The following ARB2A variants were observed in gnomAD, a reference collection of about 807,000 sequenced individuals.
ARB2A encodes the protein cotranscriptional regulator ARB2A.
At chr5:93,925,514 G>T in the ARB2A span, among the ~76,000 whole-genome samples, 1 of 152,184 alleles carries the variant, frequency 6.6e-6, no homozygotes, top group South Asian at 2.1e-4. Context: ...AGGGTCCTGG[G>T]TATGTGGGAC....
the ARB2A span, among the ~76,000 whole-genome samples, chr5:93,746,712 T>C: frequency 6.6e-5 from 10 of 152,156 alleles, no homozygotes; most frequent in Non-Finnish European, 1.5e-4. Flanking sequence ...GAGATATTCA[T>C]GAGCTATGAA....
chr5:94,073,453 C>A, the ARB2A span, among the ~76,000 whole-genome samples: 77 of 152,082 alleles, frequency 5.1e-4, no homozygotes, highest in Non-Finnish European at 8.7e-4. Flanking sequence ...AGAAGGAAAA[C>A]CTTGAATTTG....
the ARB2A span, among the ~76,000 whole-genome samples, chr5:93,846,305 A>C: frequency 6.6e-6 from 1 of 151,530 alleles, no homozygotes; most frequent in Non-Finnish European, 1.5e-5. Flanking sequence ...GGAGTTTGAG[A>C]CCAGCGTGGG....
At chr5:93,981,250 G>A in the ARB2A span, among the ~76,000 whole-genome samples, 1 of 151,742 alleles carries the variant, frequency 6.6e-6, no homozygotes, top group African/African-American at 2.4e-5. Flanking sequence ...TGTATTTTTT[G>A]TAGAGATGGA....
chr5:94,018,736 T>C, the ARB2A span, among the ~76,000 whole-genome samples: 5 of 152,062 alleles, frequency 3.3e-5, no homozygotes, highest in East Asian at 9.7e-4. Flanking sequence ...ATGGGAGTAG[T>C]ATATAGATTC....
chr5:94,106,091 G>T, the ARB2A span, among the ~76,000 whole-genome samples: 5 of 151,810 alleles, frequency 3.3e-5, no homozygotes, highest in East Asian at 9.7e-4. Context: ...TTCATATGAA[G>T]ACTCCAAAAG....
At chr5:93,800,037 G>GA in the ARB2A span, among the ~76,000 whole-genome samples, 2 of 151,884 alleles carry the variant, frequency 1.3e-5, no homozygotes, top group African/African-American at 4.8e-5. Flanking sequence ...AATGCGAACA[G>GA]AAAAAATCAA....
At chr5:93,924,605 G>T in the ARB2A span, among the ~76,000 whole-genome samples, 1 of 152,054 alleles carries the variant, frequency 6.6e-6, no homozygotes, top group Non-Finnish European at 1.5e-5. Context: ...TTTTCAGGAT[G>T]GCAGAAGATA....
the ARB2A span, among the ~76,000 whole-genome samples, chr5:93,708,926 T>C: frequency 6.6e-6 from 1 of 152,196 alleles, no homozygotes; most frequent in Non-Finnish European, 1.5e-5. Flanking sequence ...ATAAGATTTA[T>C]TAGTTCTGGG....
the ARB2A span, chr5:93,881,589 G>T: frequency 6.2e-7 from 1 of 1,610,410 alleles, no homozygotes; most frequent in African/African-American, 1.3e-5. Context: ...TTTTCTGCTG[G>T]TTCATCTGAA....
the ARB2A span, among the ~76,000 whole-genome samples, chr5:93,667,966 T>C: frequency 6.6e-6 from 1 of 152,212 alleles, no homozygotes; most frequent in South Asian, 2.1e-4. Flanking sequence ...AATTAGAATG[T>C]TCATGATGCT....
the ARB2A span, among the ~76,000 whole-genome samples, chr5:94,012,052 T>G: frequency 6.6e-6 from 1 of 151,598 alleles, no homozygotes; most frequent in African/African-American, 2.4e-5. Flanking sequence ...GATAACATAT[T>G]GAGAAGAAAA....
chr5:93,936,005 T>C, the ARB2A span, among the ~76,000 whole-genome samples: 1 of 152,190 alleles, frequency 6.6e-6, no homozygotes, highest in Non-Finnish European at 1.5e-5. Flanking sequence ...AAATTGATAC[T>C]TCTGTTAGTA....
the ARB2A span, among the ~76,000 whole-genome samples, chr5:93,624,415 G>A: frequency 1.3e-5 from 2 of 152,032 alleles, no homozygotes; most frequent in Non-Finnish European, 2.9e-5. Flanking sequence ...CAAAATATAA[G>A]GAGTAAAATG....
At chr5:93,776,079 A>G in the ARB2A span, 5 of 1,173,236 alleles carry the variant, frequency 4.3e-6, no homozygotes, top group East Asian at 7.5e-5. Flanking sequence ...CTAATTCACA[A>G]AACAGAATTC....
chr5:93,702,149 G>C, the ARB2A span, among the ~76,000 whole-genome samples: 1 of 152,142 alleles, frequency 6.6e-6, no homozygotes, highest in Non-Finnish European at 1.5e-5. Flanking sequence ...ATTACATTTT[G>C]AGATCAGTTG....
the ARB2A span, among the ~76,000 whole-genome samples, chr5:93,767,854 C>T: frequency 2.0e-5 from 3 of 151,338 alleles, no homozygotes; most frequent in African/African-American, 4.9e-5. Flanking sequence ...ATTAGCTGAG[C>T]GTGGTGGCGG....
At chr5:93,859,929 CT>C in the ARB2A span, among the ~76,000 whole-genome samples, 1 of 152,168 alleles carries the variant, frequency 6.6e-6, no homozygotes, top group Non-Finnish European at 1.5e-5. Context: ...CCCAACAATT[CT>C]ACTAATAAGT....
chr5:93,952,732 T>C, the ARB2A span, among the ~76,000 whole-genome samples: 3 of 152,202 alleles, frequency 2.0e-5, no homozygotes, highest in Non-Finnish European at 4.4e-5. Flanking sequence ...AGAAGTTCTC[T>C]GTTACTTTCC....
Sources: allele counts gnomAD v4.1 joint callset (sites outside exome capture counted in the v4.1 genomes callset), GRCh38; gene constraint gnomAD v4.1.1; transcripts MANE v1.5; gene names NCBI Gene and HGNC (gene_info 2026-07-23, HGNC 2026-07-21).